TTC16: variants seen among roughly 807,000 people sequenced by gnomAD.
TTC16 encodes the protein tetratricopeptide repeat domain 16, also known as tetratricopeptide repeat protein 16.
Under a neutral mutation model 80.4 loss-of-function variants are expected in TTC16, and 66 were observed. That is an observed-to-expected ratio of 0.82 (90% CI 0.67 to 1.01). The LOEUF is 1.01. Ranked by LOEUF, TTC16 falls within the 50% of genes least tolerant of loss-of-function variation. The probability of loss-of-function intolerance (pLI) is 0.00; values close to 1 mark genes in which losing one functional copy is unlikely to be tolerated. For missense variants in TTC16, 1,070 were observed against 1,103.2 expected (o/e 0.97, Z 0.43); for synonymous variants, 438 against 451.3 (o/e 0.97, Z 0.37).
rs143735585 is a variant in TTC16 at position 127,724,136 on chromosome 9, C to T, written c.889C>T (p.Arg297Trp). 231 of 1,611,752 alleles carry T rather than the reference C, an allele frequency of 1.4e-4. 2 individuals are homozygous for T. In the African/African-American group the frequency reaches 1.7e-3, roughly 12 times the overall value. Residue 297 changes from arginine (R) to tryptophan (W), a missense_variant, in exon 8 of 14, where the codon CGG (arginine) becomes TGG (tryptophan). By Grantham distance (101) the Arg-to-Trp change is moderately radical (BLOSUM62 -3). Transcript: ENST00000373289. ...LFLFRGTMYR[R>W]LQEFDGAVED... ...CCCCGACAGGGGCACCATGTACCGACGGCTCCAGGAGTTCGATGGGGCAGT... is the reference window on the plus strand; with the variant it reads ...CCCCGACAGGGGCACCATGTACCGATGGCTCCAGGAGTTCGATGGGGCAGT...
rs774456049 is a variant in TTC16 at position 127,730,751 on chromosome 9, G to A, written c.1968G>A (p.Ser656=). The change falls in exon 14 of 14, where the codon TCG becomes TCA. Residue 656 remains serine (S), a synonymous_variant. Transcript: ENST00000373289. ...SDSSLLKTQS[S]DSGNNREALS... is the part of the protein sequence containing the mutation. ...CGTCACTGTTGAAGACGCAATCCTC[G>A]GACTCTGGGAACAACAGGGAGGCAC... 7 of 1,613,550 alleles carry A rather than the reference G, an allele frequency of 4.3e-6. No homozygotes were observed. The highest frequency in any genetic ancestry group is 4.5e-5 in the East Asian group (2 of 44,902).
Position 127,717,762 on chromosome 9 carries a change from T to C in TTC16, c.416T>C (p.Leu139Pro). The part of the protein sequence containing the change: ...CKHLERLTFV[L>P]YLQGQCLFEQ... ...CACCTGGAGCGCCTCACCTTTGTGCTCTACCTACAGGTGCCTGGGGCCTCC... is the reference window on the plus strand; with the variant it reads ...CACCTGGAGCGCCTCACCTTTGTGCCCTACCTACAGGTGCCTGGGGCCTCC... Residue 139 changes from leucine to proline, a missense_variant, in exon 4 of 14, where the codon CTC (leucine) becomes CCC (proline). Leu to Pro is a moderately conservative substitution (Grantham distance 98). Transcript: ENST00000373289. The C allele has an allele frequency of 6.2e-7, 1 of 1,613,304 alleles. No homozygotes were observed. The highest frequency in any genetic ancestry group is 8.5e-7 in the Non-Finnish European group (1 of 1,179,852).
At chr9:127,725,935 A>G (rs1843918384) in intron 9 of TTC16, among the ~76,000 whole-genome samples, 1 of 152,164 alleles carries the variant, frequency 6.6e-6, no homozygotes, top group South Asian at 2.1e-4. Flanking sequence ...TTACTACTCA[A>G]TAACTTGGAA....
chr9:127,724,482 C>A, intron 8 of TTC16, 118 bp downstream of exon 8: 1 of 1,358,796 alleles, frequency 7.4e-7, no homozygotes, highest in Non-Finnish European at 1.0e-6. Flanking sequence ...AGGAAGGAAG[C>A]AAGGGAAGAG....
chr9:127,723,100 C>T lies in TTC16; in HGVS notation c.658-19C>T, dbSNP rs1419606048. On this transcript the variant is annotated intron_variant, in intron 6 of 13. Transcript: ENST00000373289. ...CTCAGTTGGTCTGTGCCCCTGATGCCACCCATGGCCTCCTGCAGCCCCACC... is the reference window on the plus strand; with the variant it reads ...CTCAGTTGGTCTGTGCCCCTGATGCTACCCATGGCCTCCTGCAGCCCCACC... The T allele has an allele frequency of 2.5e-6, 4 of 1,606,122 alleles. No homozygotes were observed. The highest frequency in any genetic ancestry group is 2.5e-6 in the Non-Finnish European group (3 of 1,178,280).
chr9:127,730,970 G>A lies in TTC16; in HGVS notation c.2187G>A (p.Gln729=), dbSNP rs1207981866. ...GCAAGACCAGGGCCACCCAGGGCCA[G>A]GGGCAGAGCTCCAGCAAGACTGAGG... ...NSSKTRATQG[Q]GQSSSKTEAT... The change falls in exon 14 of 14, where the codon CAG becomes CAA. Residue 729 remains glutamine, a synonymous_variant. Coordinates refer to ENST00000373289, the MANE Select transcript of TTC16 (RefSeq NM_144965.3). 3.1e-6 allele frequency: 5 copies of A among 1,612,842 alleles called. No individual in the cohort carries two copies. The South Asian group carries it at 4.4e-5, about 14-fold the overall frequency.
intron 10 of TTC16, 56 bp from the exon 11 acceptor site, chr9:127,726,914 C>T (rs1844024468): frequency 1.2e-6 from 2 of 1,605,652 alleles, no homozygotes; most frequent in Non-Finnish European, 1.7e-6. Flanking sequence ...CAGCATCGTG[C>T]TGTCTGTCTG....
chr9:127,726,329 G>A lies in TTC16; in HGVS notation c.1350G>A (p.Arg450=). 1 of 1,612,318 alleles carries A rather than the reference G, an allele frequency of 6.2e-7. No homozygotes were observed. ...ACTACCTGTACCGGGCCAAGAGCCG[G>A]CAGCTGCTGCAGAACATTTTTGGGG... ...AQYYLYRAKS[R]QLLQNIFGAR... The change falls in exon 10 of 14, where the codon CGG becomes CGA. Residue 450 remains arginine, a synonymous_variant. Transcript: ENST00000373289.
intron 1 of TTC16, 84 bp downstream of exon 1, chr9:127,716,247 C>G: frequency 6.3e-7 from 1 of 1,594,980 alleles, no homozygotes; most frequent in East Asian, 2.2e-5. Context: ...GGGTGAAGGC[C>G]GGGAGAGGCA....
Position 127,729,964 on chromosome 9 carries a change from T to C in TTC16, c.1852+296T>C. The C allele has an allele frequency of 7.6e-6, 3 of 396,574 alleles. No homozygotes were observed. In the South Asian group the frequency reaches 8.5e-5, roughly 11 times the overall value. 24.6% of individuals were successfully genotyped at this position (396,574 alleles called of 1,614,324 possible). A position where few individuals can be genotyped will look rare whatever the true frequency, so the allele number is the denominator to read the frequency against. On this transcript the variant is annotated intron_variant, in intron 13 of 13. Transcript: ENST00000373289. ...ATGGCCAGGGGGCTTTTAGCCCCAG[T>C]ACATAGGGCCCTAGCCTGGAGGAGA...
Position 127,729,578 on chromosome 9 carries a change from T to C in TTC16, c.1765-3T>C. 1.2e-6 allele frequency: 2 copies of C among 1,613,514 alleles called. No individual in the cohort carries two copies. Among genetic ancestry groups the C allele is most frequent in the Non-Finnish European group, 1.7e-6 (2 of 1,179,824 alleles). The stretch of plus-strand genomic sequence containing the variant: ...GAACTACAAAGCCTGTTTCTTGCCA[T>C]AGGAGAAAAAATCAGAGCTCATACC... On this transcript the variant is annotated splice_region_variant and splice_polypyrimidine_tract_variant and intron_variant, in intron 12 of 13. Transcript: ENST00000373289.
In TTC16 at chr9:127,724,884, G is replaced by A. The variant is rs905262643; in HGVS notation, c.1246G>A (p.Glu416Lys). ...GCTGCAGGAGAAGATGGGCTTCTGC[G>A]AGCAGAGGCGCAAGTGCGTGGGCTC... is the stretch of plus-strand genomic sequence containing the variant. ...GLLQEKMGFCEQRRKQFQKAE... is the reference protein window; with the variant it reads ...GLLQEKMGFCKQRRKQFQKAE... Residue 416 changes from glutamate to lysine, a missense_variant, in exon 9 of 14, where the codon GAG (glutamate) becomes AAG (lysine). Transcript: ENST00000373289. 1 of 1,550,848 alleles carries A rather than the reference G, an allele frequency of 6.4e-7. No homozygotes were observed. Among genetic ancestry groups the A allele is most frequent in the African/African-American group, 1.4e-5 (1 of 73,276 alleles).
At position 127,724,866 on chromosome 9, in the gene TTC16, GAGA is replaced by G; in HGVS notation, c.1232_1234del (p.Lys411del). On this transcript the variant is annotated inframe_deletion, in exon 9 of 14. Transcript: ENST00000373289. ...CAACACGCGCATGGGCCTGCTGCAGGAGAAGATGGGCTTCTGCGAGCAGAGGCG... is the reference window on the plus strand; with the variant it reads ...CAACACGCGCATGGGCCTGCTGCAGGAGATGGGCTTCTGCGAGCAGAGGCG... The G allele has an allele frequency of 6.3e-7, 1 of 1,575,670 alleles. No individual in the cohort carries two copies. Among genetic ancestry groups the G allele is most frequent in the Non-Finnish European group, 8.6e-7 (1 of 1,163,252 alleles).
chr9:127,723,358 T>G (rs1421057871), intron 7 of TTC16, 25 bp downstream of exon 7: 1 of 1,603,040 alleles, frequency 6.2e-7, no homozygotes, highest in Non-Finnish European at 8.5e-7. Flanking sequence ...GGTGCTGGCC[T>G]TGGGTCCCAG....
At chr9:127,720,210 A>G in intron 5 of TTC16, 32 bp downstream of exon 5, 1 of 1,613,418 alleles carries the variant, frequency 6.2e-7, no homozygotes, top group South Asian at 1.1e-5. Context: ...TTCTCCCAGC[A>G]CCCACTTCCT....
In TTC16 at chr9:127,718,668, C is replaced by T. The variant is rs1843229955; in HGVS notation, c.426+896C>T. 6.6e-6 allele frequency among the ~76,000 whole-genome samples: 1 copy of T among 151,790 alleles called. No individual in the cohort carries two copies. The highest frequency in any genetic ancestry group is 1.5e-5 in the Non-Finnish European group (1 of 67,984). On this transcript the variant is annotated intron_variant, in intron 4 of 13. Coordinates refer to ENST00000373289, the MANE Select transcript of TTC16 (RefSeq NM_144965.3). The surrounding 1 kb of genome is among the most constrained non-coding windows in gnomAD (Gnocchi z 4.6). ...GGAGCGCAATGGCGCAATCTCAGCT[C>T]ACAACCTCCACCTCCCGGGTTCAAA...
In TTC16 at chr9:127,731,483, C is replaced by T; in HGVS notation, c.*78C>T. 1 of 1,524,292 alleles carries T rather than the reference C, an allele frequency of 6.6e-7. No homozygotes were observed. The highest frequency in any genetic ancestry group is 1.3e-5 in the South Asian group (1 of 77,298). The allele number at this position is 1,524,292 out of a possible 1,614,324, so 94.4% of individuals were successfully genotyped here. ...CCTCCCCACACTGGCACTCAGCCAGCTGCCTCCTTCCAGAGCAATTAAAAG... is the reference window on the plus strand; with the variant it reads ...CCTCCCCACACTGGCACTCAGCCAGTTGCCTCCTTCCAGAGCAATTAAAAG... On this transcript the variant is annotated 3_prime_UTR_variant, in exon 14 of 14. Transcript: ENST00000373289.
Position 127,731,273 on chromosome 9 carries a change from G to T in TTC16, c.2490G>T (p.Lys830Asn). 1.2e-6 allele frequency: 2 copies of T among 1,613,302 alleles called. No individual in the cohort carries two copies. The highest frequency in any genetic ancestry group is 4.5e-5 in the East Asian group (2 of 44,884). Residue 830 changes from lysine to asparagine, a missense_variant, in exon 14 of 14, where the codon AAG (lysine) becomes AAT (asparagine). Transcript: ENST00000373289. ...YAQGQGQRSS[K>N]AEGAQGKSQG... is the part of the protein sequence containing the mutation. ...AAGGCCAGGGCCAGAGGTCCAGCAAGGCTGAGGGTGCCCAGGGCAAGAGCC... is the reference window on the plus strand; with the variant it reads ...AAGGCCAGGGCCAGAGGTCCAGCAATGCTGAGGGTGCCCAGGGCAAGAGCC...
At chr9:127,729,697 CAGGAAGCTA>C (rs770097493) in intron 13 of TTC16, 29 bp downstream of exon 13, 527 of 1,603,090 alleles carry the variant, frequency 3.3e-4, no homozygotes, top group Non-Finnish European at 4.2e-4. Flanking sequence ...CGCCAGGCCT[CAGGAAGCTA>C]AGGCAGCAGG....
Sources: allele counts gnomAD v4.1 joint callset (sites outside exome capture counted in the v4.1 genomes callset), GRCh38; gene constraint gnomAD v4.1.1; non-coding constraint Gnocchi (gnomAD v3.1); transcripts MANE v1.5; gene names NCBI Gene and HGNC (gene_info 2026-07-23, HGNC 2026-07-21).